The following KCNH5 variants were observed in gnomAD, a reference collection of about 807,000 sequenced individuals.
KCNH5 encodes the protein voltage-gated delayed rectifier potassium channel KCNH5.
In KCNH5, 46 loss-of-function variants were observed where a neutral mutation model predicts 96.1. The ratio of observed to expected loss-of-function variants is 0.48; its 90% CI spans 0.38 to 0.61. KCNH5 has a LOEUF of 0.61. Among genes scored for constraint, KCNH5 ranks in the 20% least tolerant of loss-of-function variants. KCNH5 has a pLI of 0.00. For synonymous variants in KCNH5, 439 were observed against 449.8 expected (o/e 0.98, Z 0.30); for missense variants, 907 against 1,225.8 (o/e 0.74, Z 3.88).
chr14:62,806,531 A>G (rs1886769628), intron 8 of KCNH5, among the ~76,000 whole-genome samples: 1 of 152,136 alleles, frequency 6.6e-6, no homozygotes, highest in Non-Finnish European at 1.5e-5. Context: ...AGAAGGGACG[A>G]TACTGAAGAA....
intron 7 of KCNH5, among the ~76,000 whole-genome samples, chr14:62,936,674 CAAAAAAA>C (rs3080873): frequency 0.23 from 27,550 of 119,760 alleles, 3,244 homozygotes; most frequent in African/African-American, 0.37. Context: ...GACCCTGCCT[CAAAAAAA>C]AAAAAAAAAA....
intron 10 of KCNH5, among the ~76,000 whole-genome samples, chr14:62,753,447 CT>C (rs913367900): frequency 1.3e-4 from 20 of 152,266 alleles, no homozygotes; most frequent in African/African-American, 4.6e-4. Flanking sequence ...TAACAGAGAA[CT>C]TCCAAACATA....
Position 62,793,554 on chromosome 14 carries a change from G to A in KCNH5, c.1822+8775C>T, listed in dbSNP as rs1199841532. On this transcript the variant is annotated intron_variant, in intron 9 of 10. Coordinates refer to ENST00000322893, the MANE Select transcript of KCNH5 (RefSeq NM_139318.5). ...AACAAAAAGCAATCACAAGGATAAA[G>A]GAGTGAGATTCAAAGCACAGGTTTT... Among the ~76,000 whole-genome samples, 3 of 151,886 alleles carry A rather than the reference G, an allele frequency of 2.0e-5. 1 individual carries two copies. The East Asian group carries it at 5.8e-4, about 29-fold the overall frequency.
At chr14:62,834,591 T>C (rs1566676109) in intron 8 of KCNH5, among the ~76,000 whole-genome samples, 1 of 151,948 alleles carries the variant, frequency 6.6e-6, no homozygotes, top group African/African-American at 2.4e-5. Flanking sequence ...ACTGTAATTT[T>C]TAAATAGGAT....
chr14:62,734,325 C>T (rs1885112121), intron 10 of KCNH5, among the ~76,000 whole-genome samples: 1 of 152,152 alleles, frequency 6.6e-6, no homozygotes, highest in Non-Finnish European at 1.5e-5. Context: ...ACACGGGATG[C>T]TCTACTGCTG....
At chr14:63,025,556 C>G (rs2139617410) in intron 1 of KCNH5, among the ~76,000 whole-genome samples, 1 of 150,678 alleles carries the variant, frequency 6.6e-6, no homozygotes, top group Admixed American at 6.6e-5. Context: ...ATATGAAAAA[C>G]AGTTCTATAA....
At chr14:62,715,874 G>A (rs1262834307) in intron 10 of KCNH5, among the ~76,000 whole-genome samples, 1 of 152,178 alleles carries the variant, frequency 6.6e-6, no homozygotes, top group East Asian at 1.9e-4. Context: ...GAGGGATAGG[G>A]AAGGAATATC....
intron 2 of KCNH5, among the ~76,000 whole-genome samples, chr14:63,014,548 CA>C (rs1206648455): frequency 2.0e-5 from 3 of 151,870 alleles, no homozygotes; most frequent in African/African-American, 7.3e-5. Context: ...GAAAATAGGC[CA>C]GGGATAGGGC....
At chr14:62,790,364 T>C in intron 9 of KCNH5, among the ~76,000 whole-genome samples, 1 of 151,798 alleles carries the variant, frequency 6.6e-6, no homozygotes, top group East Asian at 1.9e-4. Flanking sequence ...TTTCTCAGTA[T>C]TGCTTTTTGT....
intron 10 of KCNH5, chr14:62,712,504 G>T (rs1289592805): frequency 6.4e-6 from 4 of 626,874 alleles, no homozygotes; most frequent in Middle Eastern, 2.5e-4. Flanking sequence ...TTTCCCTTAG[G>T]TCACACAACT....
chr14:62,819,111 T>C (rs947499629), intron 8 of KCNH5, among the ~76,000 whole-genome samples: 2 of 151,886 alleles, frequency 1.3e-5, no homozygotes, highest in Non-Finnish European at 2.9e-5. Flanking sequence ...GGACTACAGG[T>C]GCCCGCCACC....
intron 10 of KCNH5, among the ~76,000 whole-genome samples, chr14:62,718,652 A>G (rs1262312795): frequency 1.3e-5 from 2 of 152,190 alleles, no homozygotes; most frequent in Non-Finnish European, 2.9e-5. Context: ...ACAGCTTGGC[A>G]GTGTCTCAAA....
At chr14:63,018,674 A>C (rs1312798816) in intron 1 of KCNH5, among the ~76,000 whole-genome samples, 2 of 152,100 alleles carry the variant, frequency 1.3e-5, no homozygotes, top group African/African-American at 4.8e-5. Flanking sequence ...CACGAAAAAT[A>C]ATCTTAAAAT....
intron 7 of KCNH5, among the ~76,000 whole-genome samples, chr14:62,853,352 C>T (rs568044145): frequency 7.1e-4 from 106 of 149,644 alleles, no homozygotes; most frequent in Non-Finnish European, 1.3e-3. Flanking sequence ...AATGAGATAA[C>T]GCATATAAAA....
chr14:62,789,595 T>C (rs1017257514), intron 9 of KCNH5, among the ~76,000 whole-genome samples: 4 of 152,024 alleles, frequency 2.6e-5, no homozygotes, highest in African/African-American at 9.7e-5. Context: ...ACATTTATTA[T>C]ATCTAGTCTT....
intron 10 of KCNH5, among the ~76,000 whole-genome samples, chr14:62,765,138 G>A (rs761061967): frequency 1.3e-5 from 2 of 152,186 alleles, no homozygotes; most frequent in African/African-American, 4.8e-5. Flanking sequence ...CAAGGCTACA[G>A]TAATCAAAGC....
At chr14:62,709,952 T>A (rs1414931612) in intron 10 of KCNH5, among the ~76,000 whole-genome samples, 2 of 152,210 alleles carry the variant, frequency 1.3e-5, no homozygotes, top group Non-Finnish European at 2.9e-5. Context: ...CTGTAGGTTG[T>A]TGGTTAGAGT....
In KCNH5 at chr14:62,845,835, T is replaced by C. The variant is rs116558028; in HGVS notation, c.1569+3818A>G. On this transcript the variant is annotated intron_variant, in intron 8 of 10. Transcript: ENST00000322893. ...ATGAGTAGGCAGTTGGAGGGGAGAG[T>C]CTATAGTTCAGGGAATCAAGTTCAA... Among the ~76,000 whole-genome samples the C allele has an allele frequency of 4.2e-3, 641 of 151,732 alleles. 6 individuals are homozygous for C. The highest frequency in any genetic ancestry group is 0.015 in the African/African-American group (603 of 41,348).
chr14:62,774,257 T>TG (rs11381055), intron 10 of KCNH5, among the ~76,000 whole-genome samples: 12,371 of 152,178 alleles, frequency 0.081, 675 homozygotes, highest in African/African-American at 0.15. Flanking sequence ...AGGCATCTTT[T>TG]CCTGACATAT....
Sources: gnomAD v4.1 joint callset for allele counts (sites outside exome capture counted in the v4.1 genomes callset) on GRCh38, gnomAD v4.1.1 for gene constraint, MANE v1.5 for transcripts, NCBI Gene and HGNC (gene_info 2026-07-23, HGNC 2026-07-21) for gene names.